FRMD4A: variants seen among roughly 807,000 people sequenced by gnomAD.
FRMD4A encodes FERM domain containing 4A, also known as FERM domain-containing protein 4A.
A neutral mutation model predicts 129.1 loss-of-function variants in FRMD4A; 29 were observed. That is an observed-to-expected ratio of 0.22 (90% CI 0.17 to 0.31). FRMD4A has a LOEUF of 0.31. Ranked by LOEUF, FRMD4A falls within the 10% of genes least tolerant of loss-of-function variation. The pLI is 1.00. For synonymous variants in FRMD4A, 634 were observed against 571.6 expected, an observed-to-expected ratio of 1.11 and a Z score of -1.56; for missense variants, 1,272 against 1,375.8, an observed-to-expected ratio of 0.92 and a Z score of 1.19.
intron 2 of FRMD4A, among the ~76,000 whole-genome samples, chr10:14,278,114 A>G (rs1192931589): frequency 2.0e-5 from 3 of 152,010 alleles, no homozygotes; most frequent in African/African-American, 7.2e-5. Context: ...CTACATTTCT[A>G]ATCTGTTGGG....
At chr10:13,787,961 G>C (rs1330028656) in intron 5 of FRMD4A, among the ~76,000 whole-genome samples, 1 of 152,074 alleles carries the variant, frequency 6.6e-6, no homozygotes, top group Non-Finnish European at 1.5e-5. Context: ...TTAACTACCA[G>C]CATGGAGCAG....
intron 2 of FRMD4A, among the ~76,000 whole-genome samples, chr10:14,003,248 G>A (rs2095649312): frequency 6.6e-6 from 1 of 152,300 alleles, no homozygotes; most frequent in Admixed American, 6.5e-5. Flanking sequence ...GTGCCTTGTG[G>A]CTGTGAGAAG....
intron 2 of FRMD4A, among the ~76,000 whole-genome samples, chr10:13,906,861 C>G (rs1174248358): frequency 6.6e-6 from 1 of 152,152 alleles, no homozygotes; most frequent in African/African-American, 2.4e-5. Context: ...TTTAAATAGC[C>G]CACAACCTTT....
At chr10:14,278,462 T>C (rs1202332753) in intron 2 of FRMD4A, among the ~76,000 whole-genome samples, 3 of 152,186 alleles carry the variant, frequency 2.0e-5, no homozygotes, top group African/African-American at 7.2e-5. Flanking sequence ...GTCACCATAA[T>C]TTAGCATGAA....
intron 17 of FRMD4A, among the ~76,000 whole-genome samples, chr10:13,668,669 G>A (rs930291507): frequency 6.6e-6 from 1 of 152,202 alleles, no homozygotes; most frequent in Non-Finnish European, 1.5e-5. Flanking sequence ...ACTGAGATGC[G>A]TGAAAGGTGT....
At chr10:13,732,875 T>G (rs2090406260) in intron 12 of FRMD4A, among the ~76,000 whole-genome samples, 1 of 151,852 alleles carries the variant, frequency 6.6e-6, no homozygotes, top group South Asian at 2.1e-4. Context: ...CATGTCTGAG[T>G]TTTCAAAGCA....
intron 2 of FRMD4A, among the ~76,000 whole-genome samples, chr10:14,263,642 A>G (rs1413741751): frequency 6.6e-6 from 1 of 152,192 alleles, no homozygotes; most frequent in East Asian, 1.9e-4. Flanking sequence ...AGGTGAAGCC[A>G]TCAAGGATGG....
chr10:14,111,158 G>A (rs910715463), intron 2 of FRMD4A, among the ~76,000 whole-genome samples: 8 of 152,046 alleles, frequency 5.3e-5, no homozygotes, highest in Non-Finnish European at 1.2e-4. Flanking sequence ...CCCTAGCTTA[G>A]CCCCTGATAA....
chr10:14,063,229 C>A (rs1834898855), intron 2 of FRMD4A, among the ~76,000 whole-genome samples: 1 of 151,510 alleles, frequency 6.6e-6, no homozygotes, highest in South Asian at 2.1e-4. Context: ...AGCTCAGACT[C>A]CCAGAAGTTA....
rs78686962 is a variant in FRMD4A at position 13,723,839 on chromosome 10, C to T, written c.759+14005G>A. Among the ~76,000 whole-genome samples, 145 of 152,282 alleles carry T rather than the reference C, an allele frequency of 9.5e-4. 1 individual carries two copies. The East Asian group carries it at 0.021, about 22-fold the overall frequency. On this transcript the variant is annotated intron_variant, in intron 12 of 24. Transcript: ENST00000357447. ...GTTACCTGGAGAGCTTAATAGGTAT[C>T]CCCTGACATCAGACGAACTGAAGCG...
At chr10:13,745,505 T>C (rs950348165) in intron 9 of FRMD4A, among the ~76,000 whole-genome samples, 14 of 152,178 alleles carry the variant, frequency 9.2e-5, no homozygotes, top group Admixed American at 2.6e-4. Flanking sequence ...TGGGATGTTC[T>C]GCCAAGCCAG....
chr10:13,932,838 C>T (rs1290918497), intron 2 of FRMD4A, among the ~76,000 whole-genome samples: 1 of 152,138 alleles, frequency 6.6e-6, no homozygotes, highest in Non-Finnish European at 1.5e-5. Context: ...TTTCTTCCCC[C>T]TACAACCATG....
In FRMD4A at chr10:13,865,620, G is replaced by A. The variant is rs1175914933; in HGVS notation, c.46-6708C>T. Among the ~76,000 whole-genome samples, 3 of 150,278 alleles carry A rather than the reference G, an allele frequency of 2.0e-5. No individual in the cohort carries two copies. The East Asian group carries it at 5.8e-4, about 29-fold the overall frequency. On this transcript the variant is annotated intron_variant, in intron 2 of 24. Coordinates refer to ENST00000357447, the MANE Select transcript of FRMD4A (RefSeq NM_018027.5). ...CACACACCACCATGCCCAGCTAACT[G>A]TGTTTATTTTTTGTAGAGACACGTC...
intron 2 of FRMD4A, among the ~76,000 whole-genome samples, chr10:14,249,950 T>A (rs1483458126): frequency 1.3e-5 from 2 of 152,198 alleles, no homozygotes; most frequent in Non-Finnish European, 2.9e-5. Context: ...ATAAGATTAT[T>A]TTCTTGTTTT....
chr10:14,230,159 T>A (rs1843588496), intron 2 of FRMD4A, among the ~76,000 whole-genome samples: 1 of 152,172 alleles, frequency 6.6e-6, no homozygotes, highest in South Asian at 2.1e-4. Context: ...TCCTTTACAG[T>A]CCATAGAAGT....
intron 12 of FRMD4A, among the ~76,000 whole-genome samples, chr10:13,709,914 G>A (rs1459515571): frequency 6.6e-6 from 1 of 151,916 alleles, no homozygotes; most frequent in African/African-American, 2.4e-5. Context: ...AGGTTTTTGG[G>A]GAACAGGCGG....
chr10:13,982,911 A>C (rs2095567379), intron 2 of FRMD4A, among the ~76,000 whole-genome samples: 1 of 152,206 alleles, frequency 6.6e-6, no homozygotes, highest in Admixed American at 6.5e-5. Context: ...GCATCAGCCA[A>C]CAAGAAGTCC....
intron 3 of FRMD4A, among the ~76,000 whole-genome samples, chr10:13,816,213 A>G (rs899913648): frequency 1.3e-5 from 2 of 152,244 alleles, no homozygotes; most frequent in African/African-American, 4.8e-5. Context: ...CAATTTACAA[A>G]TGGAGAAGTA....
At chr10:13,838,804 G>A (rs533678584) in intron 3 of FRMD4A, among the ~76,000 whole-genome samples, 7 of 151,920 alleles carry the variant, frequency 4.6e-5, no homozygotes, top group Non-Finnish European at 7.4e-5. Context: ...TGTTCTGTTT[G>A]CTACATACCT....
Sources: gnomAD v4.1 joint callset for allele counts (sites outside exome capture counted in the v4.1 genomes callset) on GRCh38, gnomAD v4.1.1 for gene constraint, MANE v1.5 for transcripts, NCBI Gene and HGNC (gene_info 2026-07-23, HGNC 2026-07-21) for gene names.